The following HEPH variants were observed in gnomAD, a reference collection of about 807,000 sequenced individuals.
HEPH encodes the protein hephaestin.
Under a neutral mutation model 80.8 loss-of-function variants are expected in HEPH, and 69 were observed. The ratio of observed to expected loss-of-function variants is 0.85; its 90% CI spans 0.70 to 1.04. The LOEUF is 1.04. Ranked by LOEUF, HEPH falls within the 50% of genes least tolerant of loss-of-function variation. The pLI, the probability that HEPH is intolerant of heterozygous loss-of-function variation, is 0.00. For missense variants in HEPH, 1,115 were observed against 891.3 expected (o/e 1.25, Z -3.20); for synonymous variants, 431 against 322.8 (o/e 1.34, Z -3.60).
intron 16 of HEPH, among the ~76,000 whole-genome samples, 191 bp from the exon 17 acceptor site, chrX:66,255,914 C>T (rs966858667): frequency 8.9e-6 from 1 of 112,425 alleles, no homozygotes; most frequent in Admixed American, 9.4e-5. Context: ...GATAGTGCAT[C>T]TTAACTGAGT....
At chrX:66,193,002 A>G (rs757170171) in intron 7 of HEPH, among the ~76,000 whole-genome samples, 1 of 111,206 alleles carries the variant, frequency 9.0e-6, no homozygotes, top group African/African-American at 3.3e-5. Context: ...AGCAGGAAAT[A>G]ATAGAGTAAA....
chrX:66,249,197 G>A (rs1371157585), intron 15 of HEPH, among the ~76,000 whole-genome samples: 2 of 111,069 alleles, frequency 1.8e-5, no homozygotes, highest in Admixed American at 9.6e-5. Flanking sequence ...GAGAGCTTTT[G>A]TAGAGTAGTG....
chrX:66,246,366 AAGTG>A (rs1319862828), intron 15 of HEPH, among the ~76,000 whole-genome samples: 1 of 111,402 alleles, frequency 9.0e-6, no homozygotes, highest in Non-Finnish European at 1.9e-5. Context: ...GTTTAGGTAG[AAGTG>A]AGACCATTGT....
intron 15 of HEPH, among the ~76,000 whole-genome samples, chrX:66,242,706 G>C (rs759380392): frequency 2.7e-5 from 3 of 111,855 alleles, no homozygotes; most frequent in Non-Finnish European, 5.7e-5. Flanking sequence ...GACACGAACA[G>C]ATACTTCTTG....
rs889303468 is a variant in HEPH, at chrX:66,266,959, T to C, written c.*287T>C. 4 of 257,901 alleles carry C rather than the reference T, an allele frequency of 1.6e-5. No individual in the cohort carries two copies. Among genetic ancestry groups the C allele is most frequent in the Non-Finnish European group, 2.7e-5 (4 of 146,992 alleles). 21.3% of individuals were successfully genotyped at this position (257,901 alleles called of 1,213,427 possible). On this transcript the variant is annotated 3_prime_UTR_variant, in exon 21 of 21. Transcript: ENST00000343002. ...CTACATTATATTTCCTTCTGACACT[T>C]GGAAGGTATTGAAATTTCTAGAAAT...
Position 66,187,997 on chromosome X carries a change from G to A in HEPH, c.626-362G>A, listed in dbSNP as rs939474575. Among the ~76,000 whole-genome samples, 3 of 111,588 alleles carry A rather than the reference G, an allele frequency of 2.7e-5. No homozygotes were observed. In the Admixed American group the frequency reaches 2.9e-4, roughly 11 times the overall value. On this transcript the variant is annotated intron_variant, in intron 4 of 20. Transcript: ENST00000343002. ...AGTTTAGATATGGATAAGATTGAAA[G>A]TGTGGTCATCAGGGTTTTGGAGGAT...
chrX:66,193,444 A>T (rs2087917894), intron 7 of HEPH, 58 bp from the exon 8 acceptor site: 1 of 809,522 alleles, frequency 1.2e-6, no homozygotes. Flanking sequence ...TAAGGGTGAG[A>T]TGGGAGTCTA....
In HEPH at chrX:66,258,995, G is replaced by T. The variant is rs918253171; in HGVS notation, c.3036+16G>T. The stretch of plus-strand genomic sequence containing the variant: ...CCTCTATCGGGTGAGCTGGAAAATG[G>T]GCTGAGTCCCTCAAGGATGATTAGA... On this transcript the variant is annotated intron_variant, in intron 18 of 20. Transcript: ENST00000343002. The T allele has an allele frequency of 4.2e-6, 5 of 1,193,059 alleles. No individual in the cohort carries two copies. The Admixed American group carries it at 9.2e-5, about 22-fold the overall frequency.
intron 9 of HEPH, among the ~76,000 whole-genome samples, chrX:66,196,942 C>T (rs2088135887): frequency 1.9e-5 from 2 of 102,949 alleles, no homozygotes; most frequent in Admixed American, 1.0e-4. Flanking sequence ...AAGTGTTATT[C>T]CCTTTTACAT....
intron 11 of HEPH, among the ~76,000 whole-genome samples, chrX:66,200,241 G>GGTGT (rs57136656): frequency 0.013 from 1,193 of 91,201 alleles, 30 homozygotes; most frequent in African/African-American, 0.041. Flanking sequence ...AGGAGAGATT[G>GGTGT]GTGTGTGTGT....
intron 7 of HEPH, among the ~76,000 whole-genome samples, chrX:66,193,240 A>G (rs183746503): frequency 2.7e-5 from 3 of 110,233 alleles, no homozygotes; most frequent in East Asian, 2.9e-4. Flanking sequence ...TAGAATTCCA[A>G]TAATTTAAAA....
chrX:66,208,613 A>G (rs1259754886), intron 15 of HEPH, among the ~76,000 whole-genome samples: 1 of 81,509 alleles, frequency 1.2e-5, no homozygotes, highest in African/African-American at 4.2e-5. Context: ...GTAAGACTCC[A>G]TCTCAAATAT....
chrX:66,187,402 T>G (rs1045654325), intron 4 of HEPH, among the ~76,000 whole-genome samples: 1 of 111,554 alleles, frequency 9.0e-6, no homozygotes, highest in East Asian at 2.8e-4. Context: ...AGGGAAACTC[T>G]AGGGCTGAAG....
At chrX:66,205,431 C>A (rs2088711714) in intron 13 of HEPH, among the ~76,000 whole-genome samples, 1 of 111,693 alleles carries the variant, frequency 9.0e-6, no homozygotes, top group African/African-American at 3.3e-5. Flanking sequence ...TAATTTCATT[C>A]TTTTTCAAGT....
intron 7 of HEPH, among the ~76,000 whole-genome samples, chrX:66,192,551 G>A (rs746745116): frequency 1.3e-3 from 146 of 111,376 alleles, no homozygotes; most frequent in Non-Finnish European, 2.3e-3. Context: ...TTTGAAGTTG[G>A]TCCTACTATA....
At chrX:66,214,083 A>G in intron 15 of HEPH, among the ~76,000 whole-genome samples, 1 of 112,182 alleles carries the variant, frequency 8.9e-6, no homozygotes, top group East Asian at 2.8e-4. Flanking sequence ...GGATATGTGA[A>G]TTAGTACAGG....
At chrX:66,178,045 T>C (rs1234134467) in intron 4 of HEPH, among the ~76,000 whole-genome samples, 3 of 111,836 alleles carry the variant, frequency 2.7e-5, no homozygotes, top group South Asian at 3.7e-4. Flanking sequence ...GCTGCACCCA[T>C]TAACTTGTCA....
chrX:66,235,380 G>C (rs137942913), intron 15 of HEPH, among the ~76,000 whole-genome samples: 1 of 111,852 alleles, frequency 8.9e-6, no homozygotes, highest in Non-Finnish European at 1.9e-5. Context: ...TGAATAAGGC[G>C]TAAGGAAGGG....
chrX:66,177,649 A>G (rs2086870711), intron 4 of HEPH, among the ~76,000 whole-genome samples: 2 of 110,427 alleles, frequency 1.8e-5, no homozygotes, highest in Non-Finnish European at 3.8e-5. Context: ...TATCAATTTT[A>G]TTTATTTTTT....
Sources: gnomAD v4.1 joint callset for allele counts (sites outside exome capture counted in the v4.1 genomes callset) on GRCh38, gnomAD v4.1.1 for gene constraint, MANE v1.5 for transcripts, NCBI Gene and HGNC (gene_info 2026-07-23, HGNC 2026-07-21) for gene names.